ZAN: variants seen among roughly 807,000 people sequenced by gnomAD.
ZAN encodes the protein zonadhesin (gene/pseudogene).
ZAN carries 260 observed loss-of-function variants against 286.2 expected under a neutral mutation model. The observed-to-expected ratio is 0.91, with a 90% CI of 0.82 to 1.01. The LOEUF (loss-of-function observed/expected upper bound fraction) is 1.01, where lower values mean the gene tolerates loss of function less well. Ranked by LOEUF, ZAN falls within the 50% of genes least tolerant of loss-of-function variation. The pLI is 0.00. For missense variants in ZAN, 3,410 were observed against 3,639.2 expected, an observed-to-expected ratio of 0.94 and a Z score of 1.62; for synonymous variants, 1,368 against 1,417.5, an observed-to-expected ratio of 0.97 and a Z score of 0.79.
intron 14 of ZAN, among the ~76,000 whole-genome samples, chr7:100,753,829 T>C (rs1435663291): frequency 1.8e-5 from 2 of 109,436 alleles, no homozygotes; most frequent in East Asian, 2.7e-4. Flanking sequence ...CAAGACATCG[T>C]CCTAAAAAAA....
At chr7:100,783,755 A>ATATATATAT (rs1381899741) in intron 35 of ZAN, among the ~76,000 whole-genome samples, 1 of 26,932 alleles carries the variant, frequency 3.7e-5, no homozygotes, top group African/African-American at 1.8e-4. Flanking sequence ...AAAAAAAAAA[A>ATATATATAT]AAAAAAAAAT....
chr7:100,735,572 A>G, intron 2 of ZAN, 148 bp from the exon 3 acceptor site: 1 of 624,762 alleles, frequency 1.6e-6, no homozygotes, highest in Non-Finnish European at 2.6e-6. Context: ...AAGAAAAGAA[A>G]AAAAGAAAAA....
chr7:100,755,354 A>T lies in ZAN; in HGVS notation c.3253A>T (p.Asn1085Tyr). 1 of 1,613,778 alleles carries T rather than the reference A, an allele frequency of 6.2e-7. No homozygotes were observed. Among genetic ancestry groups the T allele is most frequent in the Non-Finnish European group, 8.5e-7 (1 of 1,179,858 alleles). ...CAACCCTGGCTTTTTGTTTAGTGAC[A>T]ACCACTGCATCCAGGCCTCTTCCTG... ...VCNPGFLFSD[N>Y]HCIQASSCNC... The change falls in exon 15 of 48, where the codon AAC (asparagine) becomes TAC (tyrosine). Residue 1085 changes from asparagine to tyrosine, a missense_variant. This residue lies in a region of ZAN where 1,042 missense variants were observed against 1,058.0 expected (regional missense o/e 0.98). Transcript: ENST00000613979.
chr7:100,756,484 C>T (rs913488254), intron 15 of ZAN, among the ~76,000 whole-genome samples: 1 of 152,016 alleles, frequency 6.6e-6, no homozygotes, highest in African/African-American at 2.4e-5. Flanking sequence ...GAGCCTCTTC[C>T]CAGCTGCAGG....
Position 100,773,499 on chromosome 7 carries a change from A to C in ZAN, c.5634+6A>C. ...CAGCGGGCTCCTACCACCCGGTGAG[A>C]GGCCAGCTAGGAGGGGCCCCGCCCT... On this transcript the variant is annotated splice_donor_region_variant and intron_variant, in intron 30 of 47. Coordinates refer to ENST00000613979, the MANE Select transcript of ZAN (RefSeq NM_003386.3). The C allele has an allele frequency of 6.2e-7, 1 of 1,612,694 alleles. No homozygotes were observed. Among genetic ancestry groups the C allele is most frequent in the East Asian group, 2.2e-5 (1 of 44,874 alleles).
In ZAN at chr7:100,766,576, A is replaced by C; in HGVS notation, c.4522A>C (p.Ser1508Arg). 7 of 1,552,394 alleles carry C rather than the reference A, an allele frequency of 4.5e-6. No homozygotes were observed. The highest frequency in any genetic ancestry group is 6.1e-6 in the Non-Finnish European group (7 of 1,147,398). ...CTGCAAAGAGTTGTGCGTCTGTGAA[A>C]GCAACAACAGAATTCGCTGCCAGCC... Reference protein sequence around the residue: ...PGCKELCVCESNNRIRCQPWR... With the variant: ...PGCKELCVCERNNRIRCQPWR... Residue 1508 changes from serine to arginine, a missense_variant, in exon 24 of 48, where the codon AGC (serine) becomes CGC (arginine). By Grantham distance (110) the Ser-to-Arg change is moderately radical. This residue lies in a region of ZAN where 1,042 missense variants were observed against 1,058.0 expected (regional missense o/e 0.98). Transcript: ENST00000613979.
In ZAN at chr7:100,773,721, G is replaced by T. The variant is rs1810552832; in HGVS notation, c.5635G>T (p.Val1879Phe). The T allele has an allele frequency of 6.2e-7, 1 of 1,608,024 alleles. No individual in the cohort carries two copies. The highest frequency in any genetic ancestry group is 1.7e-5 in the Admixed American group (1 of 59,230). The change falls in exon 31 of 48, where the codon GTC becomes TTC. Residue 1879 changes from valine (V) to phenylalanine (F), a missense_variant and splice_region_variant. Transcript: ENST00000613979. ...CTCAGCTGATCCCTGTGGCCCACAGGTCGGGGAGCGCTGGTACACAGAGAA... is the reference window on the plus strand; with the variant it reads ...CTCAGCTGATCCCTGTGGCCCACAGTTCGGGGAGCGCTGGTACACAGAGAA... ...CTDPAGSYHP[V>F]GERWYTENTC...
intron 35 of ZAN, 76 bp from the exon 36 acceptor site, chr7:100,784,547 C>T: frequency 6.8e-7 from 1 of 1,467,756 alleles, no homozygotes; most frequent in Non-Finnish European, 9.3e-7. Context: ...CCACCCATAG[C>T]TTGGTTTGTA....
At chr7:100,793,561 C>A (rs1812137955) in intron 42 of ZAN, among the ~76,000 whole-genome samples, 1 of 151,948 alleles carries the variant, frequency 6.6e-6, no homozygotes, top group African/African-American at 2.4e-5. Context: ...TCTCAGCCTC[C>A]CGAGTAGCTG....
chr7:100,785,937 G>T, intron 36 of ZAN, 60 bp from the exon 37 acceptor site: 1 of 1,549,474 alleles, frequency 6.5e-7, no homozygotes, highest in South Asian at 1.2e-5. Context: ...GGGATTACAG[G>T]CGTGAGCCGC....
At chr7:100,776,035 C>T (rs950554653) in intron 33 of ZAN, among the ~76,000 whole-genome samples, 10 of 151,876 alleles carry the variant, frequency 6.6e-5, no homozygotes, top group African/African-American at 1.7e-4. Context: ...CCATTCTGCC[C>T]GGGCATGGTG....
Position 100,748,321 on chromosome 7 carries a change from C to T in ZAN, c.1103-3C>T, listed in dbSNP as rs745499258. ...GCTCAAATATCCTATTTTGATCCCCCAGAGGGTTTTCCTCAGTGTGACTTT... is the reference window on the plus strand; with the variant it reads ...GCTCAAATATCCTATTTTGATCCCCTAGAGGGTTTTCCTCAGTGTGACTTT... On this transcript the variant is annotated splice_region_variant and splice_polypyrimidine_tract_variant and intron_variant, in intron 10 of 47. Coordinates refer to ENST00000613979, the MANE Select transcript of ZAN (RefSeq NM_003386.3). 1.9e-6 allele frequency: 3 copies of T among 1,613,822 alleles called. No homozygotes were observed. The East Asian group carries it at 6.7e-5, about 36-fold the overall frequency.
At position 100,737,328 on chromosome 7, in the gene ZAN, C is replaced by T. The variant is rs768345294; in HGVS notation, c.592C>T (p.Arg198Cys). ...CATCGCCCTGGATGCCCTCTCTATC[C>T]GCCGGGGCTCCTGTAATCGCGGTGA... ...LDIALDALSIRRGSCNRVCMM... is the reference protein window; with the variant it reads ...LDIALDALSICRGSCNRVCMM... The change falls in exon 6 of 48, where the codon CGC (arginine) becomes TGC (cysteine). Residue 198 changes from arginine to cysteine, a missense_variant. By Grantham distance (180) the Arg-to-Cys change is radical (BLOSUM62 -3). Around this residue, in one of 7 missense-constraint regions of ZAN, gnomAD observed 872 missense variants for 938.9 expected, o/e 0.93. Transcript: ENST00000613979. 1.0e-5 allele frequency: 15 copies of T among 1,475,812 alleles called. 3 individuals are homozygous for T. The highest frequency in any genetic ancestry group is 6.0e-5 in the South Asian group (5 of 83,590). 91.4% of individuals were successfully genotyped at this position (1,475,812 alleles called of 1,614,324 possible). A position where few individuals can be genotyped will look rare whatever the true frequency, so the allele number is the denominator to read the frequency against.
chr7:100,791,046 C>T lies in ZAN; in HGVS notation c.7462C>T (p.Gln2488Ter). 1 of 1,613,228 alleles carries T rather than the reference C, an allele frequency of 6.2e-7. No homozygotes were observed. The highest frequency in any genetic ancestry group is 8.5e-7 in the Non-Finnish European group (1 of 1,179,676). The change falls in exon 40 of 48, where the codon CAG (glutamine) becomes TAG (stop). Residue 2488 changes from glutamine to a stop codon, truncating the protein, a stop_gained. Transcript: ENST00000613979. LOFTEE classifies it high-confidence loss of function. ...GATGCTGCCCAGTGGCGCCCTGACC[C>T]AGAACCTCAACACCTTTGGCAACAG... ...DMMLPSGALT[Q>*]NLNTFGNSWE...
Position 100,794,272 on chromosome 7 carries a change from C to G in ZAN, c.8125+14C>G. ...GCTGCTTTCCAGGTGAACCTGCACT[C>G]CTGCCCGGTTCCAAGCTGCCCCATG... is the stretch of plus-strand genomic sequence containing the variant. On this transcript the variant is annotated intron_variant, in intron 44 of 47. Transcript: ENST00000613979. The G allele has an allele frequency of 1.9e-6, 3 of 1,584,376 alleles. No individual in the cohort carries two copies. Among genetic ancestry groups the G allele is most frequent in the Non-Finnish European group, 2.6e-6 (3 of 1,164,584 alleles).
Position 100,763,933 on chromosome 7 carries a change from G to T in ZAN, c.4097+17G>T. The T allele has an allele frequency of 6.2e-7, 1 of 1,612,240 alleles. No individual in the cohort carries two copies. Among genetic ancestry groups the T allele is most frequent in the Non-Finnish European group, 8.5e-7 (1 of 1,179,384 alleles). ...CCCATTTGAGTATGAAGGAGGGCAGGCAGGGTCGCACAGGGGCGATGCTTG... is the reference window on the plus strand; with the variant it reads ...CCCATTTGAGTATGAAGGAGGGCAGTCAGGGTCGCACAGGGGCGATGCTTG... On this transcript the variant is annotated intron_variant, in intron 21 of 47. Transcript: ENST00000613979. This position sits in a 1 kb window ranked among gnomAD's most constrained non-coding sequence, Gnocchi z 4.6.
chr7:100,780,406 G>T (rs1461074260), intron 35 of ZAN, among the ~76,000 whole-genome samples: 1 of 151,930 alleles, frequency 6.6e-6, no homozygotes, highest in East Asian at 1.9e-4. Flanking sequence ...GGGTGTGATG[G>T]CTCATGCCTA....
rs1809751602 is a variant in ZAN at position 100,763,807 on chromosome 7, TGTCAGAAGTACCAGGTGGTGAATTCCCC to T, written c.3992_4019del (p.Gln1331LeufsTer33). ...GAGTTTGGGGTGGGTCTCTTGCAGG[TGTCAGAAGTACCAGGTGGTGAATTCCCC>T]GTCTTGTGATTCATCTCTGCAGAGC... On this transcript the variant is annotated frameshift_variant and splice_region_variant, in exon 21 of 48. Transcript: ENST00000613979. LOFTEE classifies it high-confidence loss of function. This position sits in a 1 kb window ranked among gnomAD's most constrained non-coding sequence, Gnocchi z 4.6. 1 of 1,613,790 alleles carries T rather than the reference TGTCAGAAGTACCAGGTGGTGAATTCCCC, an allele frequency of 6.2e-7. No individual in the cohort carries two copies. The highest frequency in any genetic ancestry group is 8.5e-7 in the Non-Finnish European group (1 of 1,179,830).
intron 36 of ZAN, 100 bp downstream of exon 36, chr7:100,784,934 A>C: frequency 7.4e-7 from 1 of 1,354,046 alleles, no homozygotes; most frequent in Non-Finnish European, 9.8e-7. Flanking sequence ...CATGACTTAC[A>C]GCTGGCCCGG....
Sources: allele counts gnomAD v4.1 joint callset (sites outside exome capture counted in the v4.1 genomes callset), GRCh38; gene constraint gnomAD v4.1.1; regional missense constraint gnomAD v4.1.1; non-coding constraint Gnocchi (gnomAD v3.1); transcripts MANE v1.5; gene names NCBI Gene and HGNC (gene_info 2026-07-23, HGNC 2026-07-21).